Variants in ANXA10 observed in about 807,000 individuals in gnomAD.
The protein encoded by ANXA10 is annexin 14.
A neutral mutation model predicts 53.5 loss-of-function variants in ANXA10; 49 were observed. The observed-to-expected ratio is 0.92, with a 90% CI of 0.73 to 1.16. The LOEUF (loss-of-function observed/expected upper bound fraction) is 1.16, where lower values mean the gene tolerates loss of function less well. ANXA10 is among the 50% of genes most tolerant of loss of function. The probability of loss-of-function intolerance (pLI) is 0.00; values close to 1 mark genes in which losing one functional copy is unlikely to be tolerated. For missense variants in ANXA10, 393 were observed against 394.4 expected (o/e 1.00, Z 0.03); for synonymous variants, 131 against 128.9 (o/e 1.02, Z -0.11).
intron 1 of ANXA10, among the ~76,000 whole-genome samples, chr4:168,096,324 T>C (rs774105516): frequency 2.0e-5 from 3 of 152,204 alleles, no homozygotes; most frequent in Non-Finnish European, 4.4e-5. Context: ...TTCAGATTGC[T>C]TTTCACTATC....
intron 6 of ANXA10, among the ~76,000 whole-genome samples, chr4:168,173,005 G>A (rs367667559): frequency 6.6e-6 from 1 of 152,030 alleles, no homozygotes; most frequent in Non-Finnish European, 1.5e-5. Flanking sequence ...GGCCAGGCTT[G>A]TCTTGAACTC....
chr4:168,168,078 G>A (rs1446750704), intron 6 of ANXA10, among the ~76,000 whole-genome samples: 3 of 152,136 alleles, frequency 2.0e-5, no homozygotes, highest in East Asian at 1.9e-4. Context: ...AAAGCATAAA[G>A]TAAATGCCAT....
chr4:168,132,594 T>C (rs1039946451), intron 2 of ANXA10, among the ~76,000 whole-genome samples: 10 of 152,052 alleles, frequency 6.6e-5, no homozygotes, highest in African/African-American at 2.4e-4. Flanking sequence ...TAGTCAATAA[T>C]AACTGTGTAT....
At chr4:168,157,381 ACT>A (rs1451743648) in intron 3 of ANXA10, among the ~76,000 whole-genome samples, 1 of 151,714 alleles carries the variant, frequency 6.6e-6, no homozygotes, top group African/African-American at 2.4e-5. Context: ...GATCCTCCTG[ACT>A]CAGCCTCCCG....
intron 1 of ANXA10, among the ~76,000 whole-genome samples, chr4:168,122,687 G>A (rs1405029415): frequency 6.6e-6 from 1 of 152,136 alleles, no homozygotes; most frequent in Non-Finnish European, 1.5e-5. Context: ...GTCACATGGC[G>A]AAAACAGGAG....
In ANXA10 at chr4:168,096,600, A is replaced by C. The variant is rs561361539; in HGVS notation, c.18+3882A>C. On this transcript the variant is annotated intron_variant, in intron 1 of 11. Coordinates refer to ENST00000359299, the MANE Select transcript of ANXA10 (RefSeq NM_007193.5). ...AGTGGCTAAAGATACACTTAAATCTAGCCTTTCTGCATAGGATCCATGTGA... is the reference window on the plus strand; with the variant it reads ...AGTGGCTAAAGATACACTTAAATCTCGCCTTTCTGCATAGGATCCATGTGA... Among the ~76,000 whole-genome samples the C allele has an allele frequency of 2.0e-5, 3 of 152,170 alleles. No homozygotes were observed. The South Asian group carries it at 6.2e-4, about 32-fold the overall frequency.
chr4:168,129,758 T>A (rs1326610190), intron 2 of ANXA10, among the ~76,000 whole-genome samples: 1 of 152,184 alleles, frequency 6.6e-6, no homozygotes, highest in Non-Finnish European at 1.5e-5. Context: ...AGAAATTGCT[T>A]TAAGTTGTAT....
chr4:168,096,048 G>T (rs1454808879), intron 1 of ANXA10, among the ~76,000 whole-genome samples: 1 of 152,114 alleles, frequency 6.6e-6, no homozygotes, highest in Non-Finnish European at 1.5e-5. Flanking sequence ...AAATGCATTG[G>T]TTTTTAGCAG....
intron 2 of ANXA10, among the ~76,000 whole-genome samples, chr4:168,138,143 A>C (rs981332638): frequency 6.6e-6 from 1 of 151,784 alleles, no homozygotes; most frequent in Admixed American, 6.6e-5. Flanking sequence ...TTGTACTTTT[A>C]GTAGAGATGG....
chr4:168,138,292 A>G (rs1473255398), intron 2 of ANXA10, among the ~76,000 whole-genome samples: 1 of 151,982 alleles, frequency 6.6e-6, no homozygotes, highest in African/African-American at 2.4e-5. Context: ...ATTCTGACTG[A>G]CGTAAGATGG....
At chr4:168,135,457 T>A (rs1731221478) in intron 2 of ANXA10, among the ~76,000 whole-genome samples, 1 of 152,210 alleles carries the variant, frequency 6.6e-6, no homozygotes. Flanking sequence ...TTTTCTAAAA[T>A]AAATGCTCTA....
At chr4:168,176,407 G>T (rs1048368772) in intron 6 of ANXA10, among the ~76,000 whole-genome samples, 1 of 152,238 alleles carries the variant, frequency 6.6e-6, no homozygotes, top group Middle Eastern at 3.4e-3. Flanking sequence ...GGGAGCTGAA[G>T]ACTCCCCCAA....
intron 3 of ANXA10, among the ~76,000 whole-genome samples, chr4:168,152,440 A>G (rs1435025425): frequency 1.3e-5 from 2 of 152,194 alleles, no homozygotes; most frequent in African/African-American, 4.8e-5. Context: ...AGAAGATATT[A>G]TGTATCTTGT....
At chr4:168,128,006 G>C in intron 1 of ANXA10, 78 bp from the exon 2 acceptor site, 1 of 1,302,158 alleles carries the variant, frequency 7.7e-7, no homozygotes, top group East Asian at 2.3e-5. Flanking sequence ...TTACAGGTAT[G>C]AGCCACTGTG....
At position 168,187,600 on chromosome 4, in the gene ANXA10, G is replaced by C; in HGVS notation, c.*166G>C. On this transcript the variant is annotated 3_prime_UTR_variant, in exon 12 of 12. Coordinates refer to ENST00000359299, the MANE Select transcript of ANXA10 (RefSeq NM_007193.5). ...AAGCCAAAGAAAACTATGAATGAAA[G>C]TATATGATACTGAATTTGCCTACTA... The C allele has an allele frequency of 4.7e-6, 2 of 429,084 alleles. No individual in the cohort carries two copies. Among genetic ancestry groups the C allele is most frequent in the Non-Finnish European group, 8.3e-6 (2 of 241,658 alleles). The allele number at this position is 429,084 out of a possible 1,614,324, so 26.6% of individuals were successfully genotyped here. A position where few individuals can be genotyped will look rare whatever the true frequency, so the allele number is the denominator to read the frequency against.
intron 3 of ANXA10, among the ~76,000 whole-genome samples, chr4:168,156,279 TA>T (rs1731673406): frequency 2.5e-5 from 1 of 39,396 alleles, no homozygotes; most frequent in African/African-American, 9.9e-5. Context: ...TTATATATAA[TA>T]GTATATATTA....
chr4:168,155,491 A>G (rs1438432496), intron 3 of ANXA10, among the ~76,000 whole-genome samples: 1 of 24,552 alleles, frequency 4.1e-5, no homozygotes, highest in Non-Finnish European at 7.2e-5. Flanking sequence ...ATATTATATA[A>G]TATATAATTA....
chr4:168,104,112 G>A (rs543935502), intron 1 of ANXA10, among the ~76,000 whole-genome samples: 2 of 151,940 alleles, frequency 1.3e-5, no homozygotes, highest in East Asian at 3.9e-4. Flanking sequence ...ATGAATAGAT[G>A]CTATACTTGT....
chr4:168,139,056 G>A (rs1002591461), intron 2 of ANXA10, among the ~76,000 whole-genome samples: 2 of 152,040 alleles, frequency 1.3e-5, no homozygotes, highest in African/African-American at 4.8e-5. Context: ...GAGATAGTTT[G>A]GCTTCCTCTT....
Sources: allele counts gnomAD v4.1 joint callset (sites outside exome capture counted in the v4.1 genomes callset), GRCh38; gene constraint gnomAD v4.1.1; transcripts MANE v1.5; gene names NCBI Gene and HGNC (gene_info 2026-07-23, HGNC 2026-07-21).